Variants in DBX2 observed in about 807,000 individuals in gnomAD.
The protein encoded by DBX2 is developing brain homeobox 2, also known as homeobox protein DBX2.
In DBX2, 16 loss-of-function variants were observed where a neutral mutation model predicts 17.7. That is an observed-to-expected ratio of 0.90 (90% CI 0.61 to 1.37). The LOEUF is 1.37. Among genes scored for constraint, DBX2 ranks in the 40% most tolerant of loss-of-function variants. The pLI is 0.00. For missense variants in DBX2, 538 were observed against 433.8 expected, an observed-to-expected ratio of 1.24 and a Z score of -2.13; for synonymous variants, 255 against 183.8, an observed-to-expected ratio of 1.39 and a Z score of -3.13.
intron 2 of DBX2, among the ~76,000 whole-genome samples, chr12:45,029,853 G>C (rs1301296324): frequency 7.1e-6 from 1 of 140,128 alleles, no homozygotes; most frequent in African/African-American, 2.6e-5. Context: ...GGCAGAGCAA[G>C]ACTCCATCTT....
chr12:45,039,816 C>A (rs1449720662), intron 1 of DBX2, among the ~76,000 whole-genome samples: 2 of 152,012 alleles, frequency 1.3e-5, no homozygotes, highest in African/African-American at 4.8e-5. Context: ...CATGACTCTG[C>A]CAGCTATTCA....
chr12:45,049,062 A>G (rs1307867369), intron 1 of DBX2, among the ~76,000 whole-genome samples: 8 of 152,218 alleles, frequency 5.3e-5, no homozygotes, highest in Admixed American at 5.2e-4. Context: ...TTATTGAAAT[A>G]ACTGCACTTG....
chr12:45,050,485 G>T, intron 1 of DBX2, 40 bp downstream of exon 1: 1 of 1,542,966 alleles, frequency 6.5e-7, no homozygotes, highest in Non-Finnish European at 8.7e-7. Flanking sequence ...CGGCCTGGGG[G>T]CGCGGGCGCG....
intron 1 of DBX2, among the ~76,000 whole-genome samples, chr12:45,049,384 T>A (rs1946516883): frequency 6.6e-6 from 1 of 152,162 alleles, no homozygotes; most frequent in Non-Finnish European, 1.5e-5. Context: ...TTGTTCCTCT[T>A]TCAGGGTGCA....
intron 1 of DBX2, among the ~76,000 whole-genome samples, chr12:45,040,957 A>C (rs1419845632): frequency 6.6e-6 from 1 of 151,778 alleles, no homozygotes; most frequent in Non-Finnish European, 1.5e-5. Flanking sequence ...TAAAACCTTC[A>C]AATAAATTTC....
chr12:45,045,778 G>C (rs11837934), intron 1 of DBX2, among the ~76,000 whole-genome samples: 11,636 of 152,016 alleles, frequency 0.077, 1,018 homozygotes, highest in East Asian at 0.31. Context: ...GGAGTGCAGT[G>C]GTGCAATCAC....
chr12:45,039,193 A>G (rs1049724172), intron 1 of DBX2, among the ~76,000 whole-genome samples: 15 of 149,208 alleles, frequency 1.0e-4, no homozygotes, highest in Non-Finnish European at 2.1e-4. Context: ...ACCTAAGTCA[A>G]ATGCTAATCC....
At chr12:45,023,558 A>G (rs1438900508) in intron 3 of DBX2, 149 bp downstream of exon 3, 5 of 964,854 alleles carry the variant, frequency 5.2e-6, no homozygotes, top group African/African-American at 4.9e-5. Context: ...CATGCCTGGT[A>G]TAAGAAATAT....
chr12:45,045,791 A>G (rs1251512191), intron 1 of DBX2, among the ~76,000 whole-genome samples: 1 of 152,084 alleles, frequency 6.6e-6, no homozygotes. Flanking sequence ...GCAATCACAG[A>G]AATCCCTTTA....
intron 3 of DBX2, among the ~76,000 whole-genome samples, chr12:45,023,483 G>T (rs1946364152): frequency 6.6e-6 from 1 of 152,118 alleles, no homozygotes; most frequent in African/African-American, 2.4e-5. Context: ...TAGGAAATGG[G>T]ACATACATCT....
At chr12:45,031,478 C>T (rs1361248474) in intron 2 of DBX2, among the ~76,000 whole-genome samples, 3 of 152,072 alleles carry the variant, frequency 2.0e-5, no homozygotes, top group Non-Finnish European at 2.9e-5. Flanking sequence ...CCCAATTCTA[C>T]ACTTTATATC....
chr12:45,022,843 T>C (rs955195544), intron 3 of DBX2, among the ~76,000 whole-genome samples: 1 of 152,206 alleles, frequency 6.6e-6, no homozygotes, highest in African/African-American at 2.4e-5. Context: ...GTGAACTCTA[T>C]GCACAACTGT....
intron 3 of DBX2, among the ~76,000 whole-genome samples, chr12:45,017,329 C>T (rs1436656671): frequency 2.0e-5 from 3 of 152,040 alleles, no homozygotes; most frequent in African/African-American, 7.2e-5. Context: ...ATAATTTGAT[C>T]GTCACAATGG....
At chr12:45,045,555 C>T (rs1232626472) in intron 1 of DBX2, among the ~76,000 whole-genome samples, 1 of 152,110 alleles carries the variant, frequency 6.6e-6, no homozygotes, top group African/African-American at 2.4e-5. Flanking sequence ...TATCTTCTTA[C>T]AGGAAAAAGA....
intron 1 of DBX2, among the ~76,000 whole-genome samples, chr12:45,041,011 G>A (rs1378019413): frequency 2.0e-5 from 3 of 148,392 alleles, no homozygotes; most frequent in Non-Finnish European, 3.0e-5. Flanking sequence ...ATGATAGAAG[G>A]TTCCAAAGTA....
Position 45,031,217 on chromosome 12 carries a change from TGTGTGTGTGAGAGA to T in DBX2, c.499+4788_499+4801del, listed in dbSNP as rs1410693483. ...GTGTGTGTGTGTGTGTGTGTGTGTG[TGTGTGTGTGAGAGA>T]GAGAGAGAGAGAGAGAGAGAGAGAG... On this transcript the variant is annotated intron_variant, in intron 2 of 3. Transcript: ENST00000332700. Among the ~76,000 whole-genome samples, 204 of 105,582 alleles carry T rather than the reference TGTGTGTGTGAGAGA, an allele frequency of 1.9e-3. 1 individual carries two copies. Among genetic ancestry groups the T allele is most frequent in the African/African-American group, 6.5e-3 (198 of 30,628 alleles). The allele number at this position is 105,582 out of a possible 152,430, so 69.3% of individuals were successfully genotyped here.
intron 3 of DBX2, among the ~76,000 whole-genome samples, chr12:45,016,957 T>C (rs1048912341): frequency 2.6e-5 from 4 of 152,130 alleles, no homozygotes; most frequent in African/African-American, 9.7e-5. Context: ...CTAATTTTTA[T>C]ATTTTTTTTG....
In DBX2 at chr12:45,050,645, C is replaced by T; in HGVS notation, c.283G>A (p.Ala95Thr). 6.5e-7 allele frequency: 1 copy of T among 1,549,670 alleles called. No homozygotes were observed. Among genetic ancestry groups the T allele is most frequent in the African/African-American group, 1.4e-5 (1 of 72,960 alleles). Residue 95 changes from alanine to threonine, a missense_variant, in exon 1 of 4, where the codon GCC becomes ACC. Coordinates refer to ENST00000332700, the MANE Select transcript of DBX2 (RefSeq NM_001004329.3). ...LCPAAEQVSP[A>T]GAPYGTRWAF... ...CACCGCGTTCCGTAGGGCGCCCCGG[C>T]GGGGCTAACTTGTTCGGCTGCGGGG...
intron 1 of DBX2, among the ~76,000 whole-genome samples, chr12:45,039,290 T>C (rs1424216603): frequency 2.5e-5 from 2 of 80,182 alleles, no homozygotes; most frequent in Non-Finnish European, 4.5e-5. Flanking sequence ...TATATATATA[T>C]ATATATATAT....
Sources: allele counts gnomAD v4.1 joint callset (sites outside exome capture counted in the v4.1 genomes callset), GRCh38; gene constraint gnomAD v4.1.1; transcripts MANE v1.5; gene names NCBI Gene and HGNC (gene_info 2026-07-23, HGNC 2026-07-21).